The following PRR11 variants were observed in gnomAD, a reference collection of about 807,000 sequenced individuals.
PRR11 encodes proline rich 11.
PRR11 carries 30 observed loss-of-function variants against 45.6 expected under a neutral mutation model. That is an observed-to-expected ratio of 0.66 (90% CI 0.49 to 0.89). The LOEUF is 0.89. PRR11 is among the 40% of genes least tolerant of loss of function. PRR11 has a pLI of 0.00. For synonymous variants in PRR11, 128 were observed against 153.5 expected, an observed-to-expected ratio of 0.83 and a Z score of 1.23; for missense variants, 373 against 424.8, an observed-to-expected ratio of 0.88 and a Z score of 1.07.
rs565612359 is a variant in PRR11, at chr17:59,206,633, G to C, written c.*5002G>C. Among the ~76,000 whole-genome samples, 6 of 152,276 alleles carry C rather than the reference G, an allele frequency of 3.9e-5. No homozygotes were observed. In the East Asian group the frequency reaches 1.2e-3, roughly 29 times the overall value. ...ACTTTGAGACTGAATGGCAACCAGA[G>C]AATGTAAACAACCAAGGTGCATCTG... On this transcript the variant is annotated 3_prime_UTR_variant, in exon 10 of 10. Transcript: ENST00000262293.
intron 4 of PRR11, among the ~76,000 whole-genome samples, chr17:59,189,842 T>C (rs991470294): frequency 2.0e-5 from 3 of 152,122 alleles, no homozygotes; most frequent in Non-Finnish European, 4.4e-5. Flanking sequence ...AAAATTAAAT[T>C]TTTTAGCTGG....
In PRR11 at chr17:59,185,139, G is replaced by C; in HGVS notation, c.214G>C (p.Ala72Pro). 6.2e-7 allele frequency: 1 copy of C among 1,611,522 alleles called. No individual in the cohort carries two copies. The highest frequency in any genetic ancestry group is 8.5e-7 in the Non-Finnish European group (1 of 1,178,450). ...CTTCAATTTTCCTAACATCAGAGAT[G>C]CAATAAAACTTTGGACAAATAGAGT... ...WNFNFPNIRD[A>P]IKLWTNRVWS... Residue 72 changes from alanine to proline, a missense_variant, in exon 3 of 10, where the codon GCA becomes CCA. Ala to Pro is a conservative substitution (Grantham distance 27). Transcript: ENST00000262293.
At chr17:59,190,422 A>C (rs2046835493) in intron 4 of PRR11, among the ~76,000 whole-genome samples, 1 of 151,976 alleles carries the variant, frequency 6.6e-6, no homozygotes, top group Non-Finnish European at 1.5e-5. Context: ...CAGTGAGCCA[A>C]GATCACGCCA....
intron 4 of PRR11, among the ~76,000 whole-genome samples, chr17:59,190,938 G>A (rs2046837827): frequency 6.6e-6 from 1 of 152,198 alleles, no homozygotes; most frequent in South Asian, 2.1e-4. Context: ...TACAGGTGAG[G>A]GCTAGTCCCT....
intron 1 of PRR11, among the ~76,000 whole-genome samples, chr17:59,158,274 G>C (rs1031787447): frequency 6.6e-6 from 1 of 152,154 alleles, no homozygotes; most frequent in African/African-American, 2.4e-5. Context: ...CTGGAGAATT[G>C]TTATGAATTA....
chr17:59,171,914 A>G (rs1262480084), intron 2 of PRR11, among the ~76,000 whole-genome samples: 3 of 152,110 alleles, frequency 2.0e-5, no homozygotes, highest in Admixed American at 1.3e-4. Context: ...AAGATTTAGG[A>G]TAAAAAGGAT....
intron 2 of PRR11, among the ~76,000 whole-genome samples, chr17:59,178,217 C>G (rs1389270063): frequency 6.6e-6 from 1 of 152,126 alleles, no homozygotes; most frequent in African/African-American, 2.4e-5. Context: ...GCCTGTAATC[C>G]CAGCTGCTTG....
chr17:59,173,545 A>G (rs1471690491), intron 2 of PRR11, among the ~76,000 whole-genome samples: 1 of 152,152 alleles, frequency 6.6e-6, no homozygotes, highest in African/African-American at 2.4e-5. Context: ...TAAGAGCTGT[A>G]ACACTCACCG....
In PRR11 at chr17:59,189,827, C is replaced by T. The variant is rs772465338; in HGVS notation, c.403-3665C>T. On this transcript the variant is annotated intron_variant, in intron 4 of 9. Coordinates refer to ENST00000262293, the MANE Select transcript of PRR11 (RefSeq NM_018304.4). ...GGTGACAAGGCAGTATTCAAACAGA[C>T]CTTAAAAATTAAATTTTTTAGCTGG... Among the ~76,000 whole-genome samples, 11 of 152,108 alleles carry T rather than the reference C, an allele frequency of 7.2e-5. No homozygotes were observed. The East Asian group carries it at 2.1e-3, about 29-fold the overall frequency.
intron 1 of PRR11, among the ~76,000 whole-genome samples, chr17:59,162,666 T>C (rs1599689772): frequency 1.3e-5 from 2 of 152,294 alleles, no homozygotes; most frequent in East Asian, 1.9e-4. Context: ...ATGATTTTTT[T>C]TTCAAGTGTA....
chr17:59,190,414 G>A (rs1175657932), intron 4 of PRR11, among the ~76,000 whole-genome samples: 1 of 151,914 alleles, frequency 6.6e-6, no homozygotes, highest in Non-Finnish European at 1.5e-5. Flanking sequence ...GGAGGTTGCA[G>A]TGAGCCAAGA....
chr17:59,186,493 C>G (rs552531320), intron 4 of PRR11, among the ~76,000 whole-genome samples: 14 of 144,748 alleles, frequency 9.7e-5, no homozygotes, highest in Admixed American at 8.7e-4. Context: ...CCTACTGGCT[C>G]AAGGGATCCT....
chr17:59,159,152 C>A (rs925184853), intron 1 of PRR11, among the ~76,000 whole-genome samples: 4 of 152,130 alleles, frequency 2.6e-5, no homozygotes, highest in African/African-American at 9.7e-5. Flanking sequence ...ACCCTCTACT[C>A]CAATAGGAGC....
intron 2 of PRR11, chr17:59,181,377 A>G: frequency 1.5e-6 from 1 of 652,796 alleles, no homozygotes; most frequent in Non-Finnish European, 2.5e-6. Context: ...ATGAGTGATC[A>G]CTTCTGAGTC....
chr17:59,172,558 G>A (rs778898004), intron 2 of PRR11, among the ~76,000 whole-genome samples: 22 of 152,236 alleles, frequency 1.4e-4, no homozygotes, highest in Non-Finnish European at 2.8e-4. Context: ...GCTGCGCGCT[G>A]CGCTTGCATG....
At chr17:59,162,824 G>A (rs2046660432) in intron 1 of PRR11, among the ~76,000 whole-genome samples, 1 of 151,010 alleles carries the variant, frequency 6.6e-6, no homozygotes, top group Admixed American at 6.6e-5. Flanking sequence ...CACCTCCTGG[G>A]TTCAAACGAT....
In PRR11 at chr17:59,181,540, T is replaced by G. The variant is rs142952481; in HGVS notation, c.129-3514T>G. On this transcript the variant is annotated intron_variant, in intron 2 of 9. Coordinates refer to ENST00000262293, the MANE Select transcript of PRR11 (RefSeq NM_018304.4). Reference sequence around the variant, plus strand: ...CAGCCTGTTGAAGTCCTCATGGTGCTCAGGGAGCACGAATGACACTAGCCG... The same window carrying G: ...CAGCCTGTTGAAGTCCTCATGGTGCGCAGGGAGCACGAATGACACTAGCCG... 7.0e-4 allele frequency: 838 copies of G among 1,200,756 alleles called. 26 individuals carry two copies. The African/African-American group carries it at 0.012, about 17-fold the overall frequency. 74.4% of individuals were successfully genotyped at this position (1,200,756 alleles called of 1,614,324 possible). A position where few individuals can be genotyped will look rare whatever the true frequency, so the allele number is the denominator to read the frequency against.
intron 2 of PRR11, among the ~76,000 whole-genome samples, chr17:59,183,783 C>T (rs566607675): frequency 2.4e-4 from 37 of 152,168 alleles, no homozygotes; most frequent in African/African-American, 7.9e-4. Flanking sequence ...AATAAAATAT[C>T]GCATGTACAA....
At chr17:59,167,241 T>G (rs1270817373) in intron 1 of PRR11, among the ~76,000 whole-genome samples, 1 of 152,200 alleles carries the variant, frequency 6.6e-6, no homozygotes, top group African/African-American at 2.4e-5. Context: ...ACATATAATG[T>G]ATAGTGAATA....
Sources: allele counts gnomAD v4.1 joint callset (sites outside exome capture counted in the v4.1 genomes callset), GRCh38; gene constraint gnomAD v4.1.1; transcripts MANE v1.5; gene names NCBI Gene and HGNC (gene_info 2026-07-23, HGNC 2026-07-21).